Variants in ALK observed in about 807,000 individuals in gnomAD.
ALK encodes ALK tyrosine kinase receptor.
Under a neutral mutation model 163.1 loss-of-function variants are expected in ALK, and 74 were observed. That is an observed-to-expected ratio of 0.45 (90% CI 0.38 to 0.55). ALK has a LOEUF of 0.55. Among genes scored for constraint, ALK ranks in the 20% least tolerant of loss-of-function variants. ALK has a pLI of 0.00. For synonymous variants in ALK, 960 were observed against 843.2 expected (o/e 1.14, Z -2.40); for missense variants, 2,063 against 2,105.3 (o/e 0.98, Z 0.39).
chr2:29,415,450 C>A (rs1263539305), intron 4 of ALK, among the ~76,000 whole-genome samples: 1 of 152,024 alleles, frequency 6.6e-6, no homozygotes, highest in African/African-American at 2.4e-5. Flanking sequence ...GGTCACCTAG[C>A]CTGGTATGCT....
intron 4 of ALK, among the ~76,000 whole-genome samples, chr2:29,399,363 A>T (rs1289594391): frequency 6.6e-6 from 1 of 152,196 alleles, no homozygotes; most frequent in African/African-American, 2.4e-5. Flanking sequence ...CCCTCAGCTC[A>T]GTACACTCTT....
At chr2:29,327,656 G>T (rs1263546762) in intron 6 of ALK, among the ~76,000 whole-genome samples, 2 of 152,210 alleles carry the variant, frequency 1.3e-5, no homozygotes, top group African/African-American at 4.8e-5. Flanking sequence ...GAACAACCCT[G>T]TGACTATATG....
intron 2 of ALK, among the ~76,000 whole-genome samples, chr2:29,710,189 ATCTTAC>A (rs1679034794): frequency 6.6e-6 from 1 of 152,142 alleles, no homozygotes; most frequent in Non-Finnish European, 1.5e-5. Context: ...AGGTAAGCAC[ATCTTAC>A]TTACCACAAA....
At chr2:29,667,932 A>C (rs1677568088) in intron 3 of ALK, among the ~76,000 whole-genome samples, 1 of 152,084 alleles carries the variant, frequency 6.6e-6, no homozygotes, top group Non-Finnish European at 1.5e-5. Context: ...TTTCTTTGAA[A>C]GGAGAGTTTT....
intron 1 of ALK, among the ~76,000 whole-genome samples, chr2:29,815,066 AAAATCATAG>A (rs760345016): frequency 6.7e-5 from 10 of 148,702 alleles, no homozygotes; most frequent in Non-Finnish European, 1.3e-4. Context: ...CCATTAGTGG[AAAATCATAG>A]AAATCTAGAG....
intron 1 of ALK, among the ~76,000 whole-genome samples, chr2:29,773,237 C>CAT (rs1224762827): frequency 2.6e-5 from 4 of 151,818 alleles, no homozygotes; most frequent in African/African-American, 9.7e-5. Context: ...TAAATGTACA[C>CAT]ACACACACAC....
intron 6 of ALK, among the ~76,000 whole-genome samples, chr2:29,327,773 G>T (rs1667313248): frequency 6.6e-6 from 1 of 152,174 alleles, no homozygotes; most frequent in Non-Finnish European, 1.5e-5. Flanking sequence ...GGATCCACTG[G>T]ATTGTGGGGG....
intron 4 of ALK, among the ~76,000 whole-genome samples, chr2:29,396,589 G>C (rs996626980): frequency 6.6e-6 from 1 of 152,092 alleles, no homozygotes. Context: ...CAGGAGAATC[G>C]CTTGAACCCA....
intron 3 of ALK, among the ~76,000 whole-genome samples, chr2:29,678,226 A>G (rs1465649990): frequency 1.3e-5 from 2 of 151,936 alleles, no homozygotes; most frequent in Non-Finnish European, 2.9e-5. Flanking sequence ...AGGTTTATCA[A>G]TTTTGTTATT....
chr2:29,408,901 T>C (rs1669659897), intron 4 of ALK, among the ~76,000 whole-genome samples: 1 of 152,226 alleles, frequency 6.6e-6, no homozygotes, highest in Non-Finnish European at 1.5e-5. Context: ...CAGAACTTGC[T>C]GATTTTTCCT....
intron 4 of ALK, among the ~76,000 whole-genome samples, chr2:29,481,643 T>C (rs1282882323): frequency 6.6e-6 from 1 of 152,222 alleles, no homozygotes; most frequent in Non-Finnish European, 1.5e-5. Flanking sequence ...GAACACATCA[T>C]CACTAAAGTC....
intron 2 of ALK, among the ~76,000 whole-genome samples, chr2:29,695,312 G>A (rs369191453): frequency 6.6e-6 from 1 of 152,206 alleles, no homozygotes; most frequent in African/African-American, 2.4e-5. Flanking sequence ...GTTACCTGAA[G>A]ACATAGAGAG....
intron 5 of ALK, among the ~76,000 whole-genome samples, chr2:29,338,892 T>A (rs551692844): frequency 4.6e-5 from 7 of 152,312 alleles, no homozygotes; most frequent in Admixed American, 6.5e-5. Context: ...TTCCCCAGTC[T>A]CCATTTCAAT....
chr2:29,699,572 C>A (rs922137368), intron 2 of ALK, among the ~76,000 whole-genome samples: 2 of 152,192 alleles, frequency 1.3e-5, no homozygotes, highest in East Asian at 3.8e-4. Flanking sequence ...CTCTTAGACC[C>A]AAAGCCTGTA....
chr2:29,609,454 T>G (rs1675630350), intron 3 of ALK, among the ~76,000 whole-genome samples: 1 of 151,048 alleles, frequency 6.6e-6, no homozygotes, highest in Non-Finnish European at 1.5e-5. Flanking sequence ...AGAGCTTTTG[T>G]TTAGAGGTCT....
In ALK at chr2:29,440,318, A is replaced by ATTTTT. The variant is rs1553315937; in HGVS notation, c.1155-56464_1155-56460dup. The stretch of plus-strand genomic sequence containing the variant: ...GTTACGTAGGTTACGTGATGAATCA[A>ATTTTT]TTTTTTTTTTTTTTTTTTGAGACGG... On this transcript the variant is annotated intron_variant, in intron 4 of 28. Coordinates refer to ENST00000389048, the MANE Select transcript of ALK (RefSeq NM_004304.5). Among the ~76,000 whole-genome samples, 6 of 83,152 alleles carry ATTTTT rather than the reference A, an allele frequency of 7.2e-5. 3 individuals carry two copies. Among genetic ancestry groups the ATTTTT allele is most frequent in the Non-Finnish European group, 1.2e-4 (4 of 33,886 alleles). The allele number at this position is 83,152 out of a possible 152,430, so 54.6% of individuals were successfully genotyped here. A position where few individuals can be genotyped will look rare whatever the true frequency, so the allele number is the denominator to read the frequency against.
intron 4 of ALK, among the ~76,000 whole-genome samples, chr2:29,502,670 T>G (rs766147280): frequency 3.3e-5 from 5 of 151,770 alleles, no homozygotes; most frequent in Non-Finnish European, 7.4e-5. Flanking sequence ...TTATTGTGAT[T>G]AATGAGATGG....
intron 5 of ALK, among the ~76,000 whole-genome samples, chr2:29,378,185 A>G (rs1668804880): frequency 6.6e-6 from 1 of 152,190 alleles, no homozygotes; most frequent in South Asian, 2.1e-4. Flanking sequence ...ACTGCCTCTG[A>G]ACAATCTGAG....
At chr2:29,477,276 C>T (rs1671549978) in intron 4 of ALK, among the ~76,000 whole-genome samples, 3 of 152,146 alleles carry the variant, frequency 2.0e-5, no homozygotes, top group Admixed American at 1.3e-4. Context: ...CAGCATCATG[C>T]TAAAGAGAAA....
Sources: allele counts gnomAD v4.1 joint callset (sites outside exome capture counted in the v4.1 genomes callset), GRCh38; gene constraint gnomAD v4.1.1; transcripts MANE v1.5; gene names NCBI Gene and HGNC (gene_info 2026-07-23, HGNC 2026-07-21).